TRMT11: variants seen among roughly 807,000 people sequenced by gnomAD.
The protein encoded by TRMT11 is tRNA (guanine(10)-N(2))-methyltransferase TRMT11.
In TRMT11, 53 loss-of-function variants were observed where a neutral mutation model predicts 62.8. The ratio of observed to expected loss-of-function variants is 0.84; its 90% CI spans 0.68 to 1.06. TRMT11 has a LOEUF of 1.06. Ranked by LOEUF, TRMT11 falls within the 50% of genes least tolerant of loss-of-function variation. TRMT11 has a pLI of 0.00. For missense variants in TRMT11, 556 were observed against 553.4 expected (o/e 1.00, Z -0.05); for synonymous variants, 188 against 190.3 (o/e 0.99, Z 0.10).
chr6:126,143,210 A>G (rs1157678931), intron 21 of TRMT11, among the ~76,000 whole-genome samples: 2 of 152,124 alleles, frequency 1.3e-5, no homozygotes, highest in Admixed American at 6.6e-5. Flanking sequence ...GAGTATTAAC[A>G]TTTGTTCTTT....
At chr6:126,053,542 C>A (rs992198099) in intron 17 of TRMT11, among the ~76,000 whole-genome samples, 2 of 152,174 alleles carry the variant, frequency 1.3e-5, no homozygotes, top group African/African-American at 4.8e-5. Flanking sequence ...TACCCCAGAG[C>A]CTGCTGAGAT....
At chr6:126,194,561 G>C (rs1778642612) in intron 1 of TRMT11, among the ~76,000 whole-genome samples, 2 of 152,156 alleles carry the variant, frequency 1.3e-5, no homozygotes, top group Non-Finnish European at 2.9e-5. Flanking sequence ...CCAAACTTTG[G>C]AACTGCTCTA....
At chr6:126,029,879 C>G (rs1773873555) in intron 12 of TRMT11, among the ~76,000 whole-genome samples, 1 of 151,776 alleles carries the variant, frequency 6.6e-6, no homozygotes, top group African/African-American at 2.4e-5. Flanking sequence ...GACTAATATC[C>G]CCAATGTTTT....
chr6:126,239,418 C>G, the TRMT11 span, among the ~76,000 whole-genome samples: 32 of 152,150 alleles, frequency 2.1e-4, no homozygotes, highest in Admixed American at 9.8e-4. Context: ...GACAAAATCT[C>G]TCAGCATTTG....
intron 1 of TRMT11, among the ~76,000 whole-genome samples, chr6:126,179,931 T>G (rs929943712): frequency 2.0e-5 from 3 of 152,178 alleles, no homozygotes; most frequent in Non-Finnish European, 4.4e-5. Context: ...ATTGAATTTT[T>G]TTCAATTATA....
intron 16 of TRMT11, among the ~76,000 whole-genome samples, chr6:126,048,057 C>T (rs1362048724): frequency 2.0e-5 from 3 of 152,186 alleles, no homozygotes; most frequent in Admixed American, 6.5e-5. Flanking sequence ...TGGGGGAAAA[C>T]TTTATCATCC....
At chr6:126,178,747 C>G (rs1179184790) in intron 1 of TRMT11, among the ~76,000 whole-genome samples, 1 of 152,072 alleles carries the variant, frequency 6.6e-6, no homozygotes, top group Non-Finnish European at 1.5e-5. Flanking sequence ...ACAGTTTCAT[C>G]TTTTCTCCTG....
chr6:126,187,837 T>C (rs1264327296), intron 1 of TRMT11, among the ~76,000 whole-genome samples: 1 of 150,648 alleles, frequency 6.6e-6, no homozygotes, highest in Non-Finnish European at 1.5e-5. Flanking sequence ...AAATTGCTTT[T>C]CCATCAAGCA....
At chr6:126,028,559 T>G (rs555227511) in intron 12 of TRMT11, among the ~76,000 whole-genome samples, 330 of 152,272 alleles carry the variant, frequency 2.2e-3, no homozygotes, top group African/African-American at 7.7e-3. Context: ...GAATTCAGTT[T>G]TCAGGTTCAT....
chr6:126,052,258 G>T (rs550569098), intron 16 of TRMT11, among the ~76,000 whole-genome samples: 1 of 152,106 alleles, frequency 6.6e-6, no homozygotes, highest in African/African-American at 2.4e-5. Context: ...ATAAGCTGTT[G>T]TTAGTTGTCT....
chr6:126,261,940 T>A, the TRMT11 span, among the ~76,000 whole-genome samples: 1 of 152,152 alleles, frequency 6.6e-6, no homozygotes, highest in East Asian at 1.9e-4. Context: ...CCTACGGTAG[T>A]CTGTCTAGGG....
At chr6:126,185,914 A>G (rs1428262903) in intron 1 of TRMT11, among the ~76,000 whole-genome samples, 5 of 152,148 alleles carry the variant, frequency 3.3e-5, no homozygotes, top group African/African-American at 7.2e-5. Context: ...CTAACATGAG[A>G]ACAGCATGGG....
chr6:126,227,232 T>C, the TRMT11 span, among the ~76,000 whole-genome samples: 1 of 152,362 alleles, frequency 6.6e-6, no homozygotes, highest in East Asian at 1.9e-4. Flanking sequence ...CAGAGGCTTA[T>C]ACAGACTTCA....
chr6:126,194,360 C>G (rs186659840), intron 1 of TRMT11, among the ~76,000 whole-genome samples: 22 of 152,212 alleles, frequency 1.4e-4, no homozygotes, highest in Admixed American at 2.6e-4. Flanking sequence ...GTTTATTCTC[C>G]TCTTTGTGCT....
chr6:126,131,792 TC>T (rs1777786407), intron 21 of TRMT11, among the ~76,000 whole-genome samples: 1 of 152,024 alleles, frequency 6.6e-6, no homozygotes, highest in African/African-American at 2.4e-5. Context: ...ACATTGATTA[TC>T]TTTTTTTTTT....
intron 21 of TRMT11, among the ~76,000 whole-genome samples, chr6:126,135,011 A>T (rs1012710515): frequency 2.6e-5 from 4 of 151,830 alleles, no homozygotes; most frequent in Admixed American, 2.0e-4. Context: ...AGGGAATTTT[A>T]TACCAGTAAA....
chr6:126,227,267 G>A, the TRMT11 span, among the ~76,000 whole-genome samples: 2 of 152,166 alleles, frequency 1.3e-5, no homozygotes, highest in Non-Finnish European at 2.9e-5. Context: ...GAAAAAGCAG[G>A]CAAATGTGCC....
downstream of TRMT11, among the ~76,000 whole-genome samples, chr6:126,203,624 G>A (rs1378086833): frequency 2.0e-5 from 3 of 152,124 alleles, no homozygotes; most frequent in African/African-American, 7.2e-5. Flanking sequence ...TAGCAATTCA[G>A]CCCCAGGACA....
At chr6:126,206,658 A>G (rs902344152), downstream of TRMT11, among the ~76,000 whole-genome samples, 12 of 152,224 alleles carry the variant, frequency 7.9e-5, no homozygotes, top group East Asian at 1.9e-4. Flanking sequence ...CAGAACTCAT[A>G]ATAACTCATA....
Sources: allele counts gnomAD v4.1 joint callset (sites outside exome capture counted in the v4.1 genomes callset), GRCh38; gene constraint gnomAD v4.1.1; transcripts MANE v1.5; gene names NCBI Gene and HGNC (gene_info 2026-07-23, HGNC 2026-07-21).